Variants in SH3KBP1 observed in about 807,000 individuals in gnomAD.
The protein encoded by SH3KBP1 is SH3 domain containing kinase binding protein 1.
A neutral mutation model predicts 50.1 loss-of-function variants in SH3KBP1; 8 were observed. The ratio of observed to expected loss-of-function variants is 0.16; its 90% CI spans 0.09 to 0.29. The LOEUF is 0.29. Ranked by LOEUF, SH3KBP1 falls within the 10% of genes least tolerant of loss-of-function variation. The probability of loss-of-function intolerance (pLI) is 1.00; values close to 1 mark genes in which losing one functional copy is unlikely to be tolerated. For synonymous variants in SH3KBP1, 227 were observed against 218.6 expected (o/e 1.04, Z -0.34); for missense variants, 377 against 535.2 (o/e 0.70, Z 2.92).
At position 19,548,218 on chromosome X, in the gene SH3KBP1, T is replaced by A. The variant is rs186855803; in HGVS notation, c.1494+1756A>T. On this transcript the variant is annotated intron_variant, in intron 14 of 17. Transcript: ENST00000397821. ...ACATCCCCCAAATACATACGAACTCTCAGGCATGGGATGTATGGACCAAAG... is the reference window on the plus strand; with the variant it reads ...ACATCCCCCAAATACATACGAACTCACAGGCATGGGATGTATGGACCAAAG... 1.5e-3 allele frequency among the ~76,000 whole-genome samples: 164 copies of A among 112,235 alleles called. 1 individual carries two copies. Among genetic ancestry groups the A allele is most frequent in the African/African-American group, 5.0e-3 (154 of 30,913 alleles).
rs750595807 is a variant in SH3KBP1 at position 19,534,934 on chromosome X, G to C, written c.*1483C>G. 3.4e-6 allele frequency: 1 copy of C among 295,732 alleles called. No individual in the cohort carries two copies. The highest frequency in any genetic ancestry group is 6.2e-5 in the Admixed American group (1 of 16,194). 24.4% of individuals were successfully genotyped at this position (295,732 alleles called of 1,213,427 possible). On this transcript the variant is annotated 3_prime_UTR_variant, in exon 18 of 18. Coordinates refer to ENST00000397821, the MANE Select transcript of SH3KBP1 (RefSeq NM_031892.3). ...TTTTTTGTTTTTGCATCACTTCTTC[G>C]GTATTATCAACTCTCATTCTTTGTG...
rs751471246 is a variant in SH3KBP1, at chrX:19,577,862, C to T, written c.1299-8674G>A. On this transcript the variant is annotated intron_variant, in intron 12 of 17. Coordinates refer to ENST00000397821, the MANE Select transcript of SH3KBP1 (RefSeq NM_031892.3). ...AAGTCCATATGGTGACTCTTTTTGG[C>T]AGCAACACACCCCTCTCCGCCGCCA... is the stretch of plus-strand genomic sequence containing the variant. 7.2e-5 allele frequency among the ~76,000 whole-genome samples: 8 copies of T among 111,461 alleles called. No homozygotes were observed. In the South Asian group the frequency reaches 1.5e-3, roughly 21 times the overall value.
intron 4 of SH3KBP1, among the ~76,000 whole-genome samples, chrX:19,700,510 T>C (rs1314482819): frequency 8.9e-6 from 1 of 112,193 alleles, no homozygotes; most frequent in Non-Finnish European, 1.9e-5. Context: ...TCAATCCACC[T>C]CCAAGCAATC....
At chrX:19,739,257 G>T (rs1455721536) in intron 3 of SH3KBP1, among the ~76,000 whole-genome samples, 1 of 111,496 alleles carries the variant, frequency 9.0e-6, no homozygotes, top group Non-Finnish European at 1.9e-5. Context: ...ATACCAAGCG[G>T]GGGCAGTCTG....
intron 6 of SH3KBP1, among the ~76,000 whole-genome samples, chrX:19,678,203 A>G (rs1055611478): frequency 2.0e-4 from 22 of 112,036 alleles, no homozygotes; most frequent in African/African-American, 5.8e-4. Flanking sequence ...ATCACAAATC[A>G]TAAGTGTTCA....
chrX:19,588,123 T>C (rs1312082530), intron 12 of SH3KBP1, among the ~76,000 whole-genome samples: 1 of 111,731 alleles, frequency 9.0e-6, no homozygotes, highest in Non-Finnish European at 1.9e-5. Flanking sequence ...CCCCAGCCGT[T>C]GAGGGTCTTA....
chrX:19,723,240 T>C (rs2064127154), intron 3 of SH3KBP1, among the ~76,000 whole-genome samples: 1 of 110,033 alleles, frequency 9.1e-6, no homozygotes, highest in Non-Finnish European at 1.9e-5. Flanking sequence ...TCACATGAAA[T>C]GTACAAAGAT....
chrX:19,554,335 TTA>T (rs1229290632), intron 13 of SH3KBP1, among the ~76,000 whole-genome samples: 8 of 76,145 alleles, frequency 1.1e-4, no homozygotes, highest in Non-Finnish European at 1.2e-4. Flanking sequence ...AAATATAATA[TTA>T]TATATCATAT....
chrX:19,555,520 G>A (rs2063964565), intron 13 of SH3KBP1, among the ~76,000 whole-genome samples: 1 of 112,072 alleles, frequency 8.9e-6, no homozygotes, highest in African/African-American at 3.2e-5. Flanking sequence ...GAGTTCTTTG[G>A]GAGCTCCTAA....
rs145754442 is a variant in SH3KBP1, at chrX:19,862,055, A to C, written c.4+25252T>G. On this transcript the variant is annotated intron_variant, in intron 1 of 17. Transcript: ENST00000397821. ...GCTCTGATTGTGCTTTGTCTTCAGG[A>C]TGGCACTGGGAAAGCCGTGTTTCAT... 1.3e-3 allele frequency among the ~76,000 whole-genome samples: 144 copies of C among 111,827 alleles called. 1 individual carries two copies. Among genetic ancestry groups the C allele is most frequent in the Middle Eastern group, 4.6e-3 (1 of 219 alleles).
At chrX:19,563,660 G>A (rs1311969205) in intron 13 of SH3KBP1, among the ~76,000 whole-genome samples, 1 of 112,174 alleles carries the variant, frequency 8.9e-6, no homozygotes, top group African/African-American at 3.2e-5. Context: ...ATCACGATTT[G>A]TGTCCCTAGA....
intron 8 of SH3KBP1, among the ~76,000 whole-genome samples, chrX:19,612,774 T>C (rs2067470990): frequency 9.0e-6 from 1 of 111,440 alleles, no homozygotes; most frequent in South Asian, 3.8e-4. Context: ...ACACAGTGAA[T>C]CAGAATGGCA....
At chrX:19,874,144 C>T (rs1163224340) in intron 1 of SH3KBP1, among the ~76,000 whole-genome samples, 1 of 99,473 alleles carries the variant, frequency 1.0e-5, no homozygotes, top group Non-Finnish European at 2.0e-5. Context: ...AGTAGGGACC[C>T]ATGGCTGGCT....
chrX:19,824,702 A>G (rs186111842), intron 2 of SH3KBP1, among the ~76,000 whole-genome samples: 1 of 112,238 alleles, frequency 8.9e-6, no homozygotes, highest in East Asian at 2.8e-4. Flanking sequence ...CTTGCCATTA[A>G]GAAAATAAGA....
At chrX:19,703,142 G>A (rs1041497254) in intron 4 of SH3KBP1, among the ~76,000 whole-genome samples, 2 of 111,854 alleles carry the variant, frequency 1.8e-5, no homozygotes, top group African/African-American at 6.5e-5. Flanking sequence ...TGGTAGACTC[G>A]CTCCTGCCAG....
intron 13 of SH3KBP1, among the ~76,000 whole-genome samples, chrX:19,568,898 G>A (rs2065925071): frequency 8.9e-6 from 1 of 112,550 alleles, no homozygotes; most frequent in African/African-American, 3.2e-5. Context: ...CTAGGGAGGG[G>A]AAAGGTCCCA....
At chrX:19,615,533 G>A (rs185309016) in intron 8 of SH3KBP1, among the ~76,000 whole-genome samples, 7 of 112,170 alleles carry the variant, frequency 6.2e-5, no homozygotes, top group Admixed American at 4.7e-4. Flanking sequence ...GCTAATGAAC[G>A]CCTTCTGCAT....
At chrX:19,717,674 C>T (rs1485584889) in intron 3 of SH3KBP1, among the ~76,000 whole-genome samples, 1 of 111,755 alleles carries the variant, frequency 8.9e-6, no homozygotes, top group Non-Finnish European at 1.9e-5. Context: ...GTTGGTGTGT[C>T]GAAGTTGGTC....
intron 6 of SH3KBP1, among the ~76,000 whole-genome samples, chrX:19,672,645 G>A (rs1377807326): frequency 2.7e-5 from 3 of 112,054 alleles, no homozygotes; most frequent in Non-Finnish European, 3.8e-5. Context: ...CTGGGAAACT[G>A]TTAAAGCCTA....
Sources: gnomAD v4.1 joint callset for allele counts (sites outside exome capture counted in the v4.1 genomes callset) on GRCh38, gnomAD v4.1.1 for gene constraint, MANE v1.5 for transcripts, NCBI Gene and HGNC (gene_info 2026-07-23, HGNC 2026-07-21) for gene names.